The following CACNG3 variants were observed in gnomAD, a reference collection of about 807,000 sequenced individuals.
CACNG3 encodes the protein calcium voltage-gated channel auxiliary subunit gamma 3.
Under a neutral mutation model 28.5 loss-of-function variants are expected in CACNG3, and 3 were observed. The observed-to-expected ratio is 0.11, with a 90% CI of 0.05 to 0.27. CACNG3 has a LOEUF of 0.27. Among genes scored for constraint, CACNG3 ranks in the 10% least tolerant of loss-of-function variants. CACNG3 has a pLI of 1.00. For missense variants in CACNG3, 236 were observed against 414.4 expected (o/e 0.57, Z 3.74); for synonymous variants, 174 against 162.2 (o/e 1.07, Z -0.55).
intron 1 of CACNG3, among the ~76,000 whole-genome samples, chr16:24,326,643 G>T (rs1038254618): frequency 6.6e-6 from 1 of 152,176 alleles, no homozygotes; most frequent in African/African-American, 2.4e-5. Context: ...GTAGCCAGGA[G>T]AATTTAGAAT....
intron 1 of CACNG3, among the ~76,000 whole-genome samples, chr16:24,336,279 T>C (rs1486700072): frequency 1.3e-5 from 2 of 151,864 alleles, no homozygotes; most frequent in Non-Finnish European, 2.9e-5. Context: ...ACTGGCATTT[T>C]TTTTTTTTTT....
intron 1 of CACNG3, among the ~76,000 whole-genome samples, chr16:24,259,147 T>C (rs993282274): frequency 2.0e-5 from 3 of 152,236 alleles, no homozygotes; most frequent in Admixed American, 1.3e-4. Context: ...GCAGTCCCCA[T>C]ACAACTTGGC....
chr16:24,302,491 G>T (rs573996615), intron 1 of CACNG3, among the ~76,000 whole-genome samples: 33 of 151,992 alleles, frequency 2.2e-4, no homozygotes, highest in Admixed American at 6.6e-4. Flanking sequence ...GTCTTGCTCT[G>T]TTGCCCATGC....
Position 24,359,213 on chromosome 16 carries a change from C to T in CACNG3, c.437-2139C>T, listed in dbSNP as rs148674793. Reference sequence around the variant, plus strand: ...AGAAGCCACCTTCATTGAGCTGAGACGTCTTTGAAGTCTGACTCCCATTTA... The same window carrying T: ...AGAAGCCACCTTCATTGAGCTGAGATGTCTTTGAAGTCTGACTCCCATTTA... On this transcript the variant is annotated intron_variant, in intron 3 of 3. Coordinates refer to ENST00000005284, the MANE Select transcript of CACNG3 (RefSeq NM_006539.4). Among the ~76,000 whole-genome samples, 365 of 152,182 alleles carry T rather than the reference C, an allele frequency of 2.4e-3. 4 individuals carry two copies. Among genetic ancestry groups the T allele is most frequent in the African/African-American group, 7.9e-3 (327 of 41,512 alleles).
At chr16:24,317,709 A>AAAGAAAGG in intron 1 of CACNG3, among the ~76,000 whole-genome samples, 1 of 108,774 alleles carries the variant, frequency 9.2e-6, no homozygotes, top group South Asian at 2.6e-4. Flanking sequence ...AGAAAGAAAG[A>AAAGAAAGG]AAGAAAAGAA....
chr16:24,269,746 C>CAAAAAAAA (rs1163565728), intron 1 of CACNG3, among the ~76,000 whole-genome samples: 35 of 71,076 alleles, frequency 4.9e-4, no homozygotes, highest in Middle Eastern at 6.6e-3. Flanking sequence ...GACTCCATCT[C>CAAAAAAAA]AAAAAAAAAA....
chr16:24,329,867 C>T (rs192072673), intron 1 of CACNG3, among the ~76,000 whole-genome samples: 320 of 152,130 alleles, frequency 2.1e-3, no homozygotes, highest in African/African-American at 6.7e-3. Context: ...AAATCTGTCT[C>T]TACTAAAAAA....
chr16:24,332,359 G>C (rs1355597045), intron 1 of CACNG3, among the ~76,000 whole-genome samples: 1 of 151,576 alleles, frequency 6.6e-6, no homozygotes, highest in Non-Finnish European at 1.5e-5. Flanking sequence ...CAGCTACTTG[G>C]TAGGCTGCAG....
chr16:24,317,723 A>G (rs1899402485), intron 1 of CACNG3, among the ~76,000 whole-genome samples: 1 of 151,664 alleles, frequency 6.6e-6, no homozygotes, highest in South Asian at 2.1e-4. Flanking sequence ...AAAAGAAAGA[A>G]AAGAAAAAAG....
intron 1 of CACNG3, among the ~76,000 whole-genome samples, chr16:24,307,196 A>G (rs1899197553): frequency 6.6e-6 from 1 of 152,078 alleles, no homozygotes; most frequent in African/African-American, 2.4e-5. Context: ...ATCTCAGCTC[A>G]CTGCAACTTC....
chr16:24,279,360 C>A (rs1319900972), intron 1 of CACNG3, among the ~76,000 whole-genome samples: 2 of 152,156 alleles, frequency 1.3e-5, no homozygotes, highest in Non-Finnish European at 1.5e-5. Flanking sequence ...GTGGTGCAAT[C>A]TCGGCTTACT....
intron 1 of CACNG3, among the ~76,000 whole-genome samples, chr16:24,322,493 T>A (rs1351785459): frequency 6.6e-6 from 1 of 152,076 alleles, no homozygotes; most frequent in Non-Finnish European, 1.5e-5. Context: ...AACATACAAA[T>A]CTCGTGCCAG....
intron 1 of CACNG3, among the ~76,000 whole-genome samples, chr16:24,325,658 C>T (rs192552941): frequency 1.3e-5 from 2 of 152,350 alleles, no homozygotes; most frequent in Admixed American, 1.3e-4. Flanking sequence ...TCACAACAAG[C>T]CCGACAGGTA....
chr16:24,311,249 G>A (rs1456455944), intron 1 of CACNG3, among the ~76,000 whole-genome samples: 2 of 152,164 alleles, frequency 1.3e-5, no homozygotes, highest in Non-Finnish European at 2.9e-5. Flanking sequence ...GGTGGCTCAC[G>A]CCTGTAATCC....
intron 1 of CACNG3, among the ~76,000 whole-genome samples, chr16:24,263,556 T>C (rs1462198871): frequency 6.6e-6 from 1 of 152,182 alleles, no homozygotes; most frequent in African/African-American, 2.4e-5. Flanking sequence ...CTTTAATAAG[T>C]TAATGAAAGA....
At chr16:24,332,574 T>G (rs1197440620) in intron 1 of CACNG3, among the ~76,000 whole-genome samples, 1 of 152,204 alleles carries the variant, frequency 6.6e-6, no homozygotes, top group Non-Finnish European at 1.5e-5. Flanking sequence ...GTTGTTCTCT[T>G]ATTAGAAGCG....
chr16:24,339,723 G>A (rs141089826), intron 1 of CACNG3, among the ~76,000 whole-genome samples: 7 of 152,100 alleles, frequency 4.6e-5, no homozygotes, highest in African/African-American at 1.7e-4. Flanking sequence ...TCTATCACCT[G>A]GAAAAATTGT....
At chr16:24,343,165 G>T (rs182131130) in intron 1 of CACNG3, among the ~76,000 whole-genome samples, 1 of 152,088 alleles carries the variant, frequency 6.6e-6, no homozygotes, top group Admixed American at 6.6e-5. Flanking sequence ...CTCCAGCCTG[G>T]GTGACAAGAG....
rs138836861 is a variant in CACNG3 at position 24,292,254 on chromosome 16, G to A, written c.211+35289G>A. ...TTCCTCAAGGGGAGTCCTGAATGGCGAAACAGAGTCAGCAGGAATCCCTGT... is the reference window on the plus strand; with the variant it reads ...TTCCTCAAGGGGAGTCCTGAATGGCAAAACAGAGTCAGCAGGAATCCCTGT... On this transcript the variant is annotated intron_variant, in intron 1 of 3. Coordinates refer to ENST00000005284, the MANE Select transcript of CACNG3 (RefSeq NM_006539.4). 3.7e-4 allele frequency among the ~76,000 whole-genome samples: 56 copies of A among 152,278 alleles called. No individual in the cohort carries two copies. In the East Asian group the frequency reaches 9.7e-3, roughly 26 times the overall value.
Sources: gnomAD v4.1 joint callset for allele counts (sites outside exome capture counted in the v4.1 genomes callset) on GRCh38, gnomAD v4.1.1 for gene constraint, MANE v1.5 for transcripts, NCBI Gene and HGNC (gene_info 2026-07-23, HGNC 2026-07-21) for gene names.